Variants in UNC79 observed in about 807,000 individuals in gnomAD.
The protein encoded by UNC79 is unc-79 subunit of NALCN channel complex.
In UNC79, 37 loss-of-function variants were observed where a neutral mutation model predicts 283.1. That is an observed-to-expected ratio of 0.13 (90% CI 0.10 to 0.17). The LOEUF (loss-of-function observed/expected upper bound fraction) is 0.17, where lower values mean the gene tolerates loss of function less well. Ranked by LOEUF, UNC79 falls within the 10% of genes least tolerant of loss-of-function variation. The pLI, the probability that UNC79 is intolerant of heterozygous loss-of-function variation, is 1.00. For missense variants in UNC79, 2,272 were observed against 3,211.1 expected (o/e 0.71, Z 7.07); for synonymous variants, 1,107 against 1,200.2 (o/e 0.92, Z 1.61).
chr14:93,413,982 C>G lies in UNC79; in HGVS notation c.-350-53689C>G, dbSNP rs1345169709. 8.0e-5 allele frequency among the ~76,000 whole-genome samples: 12 copies of G among 150,396 alleles called. No homozygotes were observed. The East Asian group carries it at 9.7e-4, about 12-fold the overall frequency. On this transcript the variant is annotated intron_variant, in intron 1 of 49. Transcript: ENST00000256339. The stretch of plus-strand genomic sequence containing the variant: ...TTTTCTCCCATTTTGTAGGTTGCCT[C>G]TTCACTCTGATGGTAGTTTCTTTTG...
At chr14:93,349,458 G>A (rs555772478) in intron 1 of UNC79, among the ~76,000 whole-genome samples, 1 of 152,168 alleles carries the variant, frequency 6.6e-6, no homozygotes, top group East Asian at 1.9e-4. Context: ...AGTACTATGG[G>A]GTTACAATCT....
chr14:93,546,006 G>C (rs2061581399), intron 14 of UNC79, among the ~76,000 whole-genome samples: 1 of 152,114 alleles, frequency 6.6e-6, no homozygotes, highest in Non-Finnish European at 1.5e-5. Context: ...GTTGATTATG[G>C]GTGCGGACAC....
chr14:93,594,999 G>A (rs1481752421), intron 23 of UNC79, among the ~76,000 whole-genome samples: 1 of 151,828 alleles, frequency 6.6e-6, no homozygotes, highest in Non-Finnish European at 1.5e-5. Flanking sequence ...ATATATATAT[G>A]ACAGCACATC....
At chr14:93,366,978 A>G (rs895671194) in intron 1 of UNC79, among the ~76,000 whole-genome samples, 7 of 152,234 alleles carry the variant, frequency 4.6e-5, no homozygotes, top group African/African-American at 1.4e-4. Context: ...TAGAAAAAGC[A>G]GTTGATTCCC....
chr14:93,428,559 A>G (rs1293926444), upstream of UNC79, among the ~76,000 whole-genome samples: 2 of 152,162 alleles, frequency 1.3e-5, no homozygotes, highest in East Asian at 3.9e-4. Flanking sequence ...GTTAATGGGC[A>G]TGTCAGAAGG....
chr14:93,482,363 A>T (rs372477839), intron 4 of UNC79, among the ~76,000 whole-genome samples: 2 of 152,164 alleles, frequency 1.3e-5, no homozygotes, highest in African/African-American at 4.8e-5. Flanking sequence ...ACTTTTCATT[A>T]ATCTATAATT....
intron 40 of UNC79, among the ~76,000 whole-genome samples, chr14:93,669,246 GAAA>G (rs888610687): frequency 4.6e-5 from 7 of 151,916 alleles, no homozygotes; most frequent in African/African-American, 1.7e-4. Flanking sequence ...AAAGTAAAAA[GAAA>G]AAAAGTGAAC....
Position 93,653,924 on chromosome 14 carries a change from A to G in UNC79, c.6197-16A>G. 1.2e-6 allele frequency: 2 copies of G among 1,614,068 alleles called. No individual in the cohort carries two copies. The highest frequency in any genetic ancestry group is 1.1e-5 in the South Asian group (1 of 91,080). ...CCCAGACACCCAAACACTAAATCCG[A>G]TCGTTGACTTTCCAGATGGGACTTT... On this transcript the variant is annotated splice_polypyrimidine_tract_variant and intron_variant, in intron 36 of 48. Coordinates refer to ENST00000555664, the Ensembl canonical transcript of UNC79.
intron 41 of UNC79, among the ~76,000 whole-genome samples, chr14:93,679,352 G>A (rs1453967279): frequency 2.6e-5 from 4 of 152,102 alleles, no homozygotes; most frequent in Admixed American, 6.5e-5. Flanking sequence ...CCAGCTACTC[G>A]GGAGGCTGAG....
exon 41 of UNC79, chr14:93,673,390 G>C (rs755013161): frequency 3.1e-6 from 5 of 1,613,260 alleles, no homozygotes; most frequent in Non-Finnish European, 2.5e-6. Flanking sequence ...TGTTGTTCTA[G>C]AACTTCTGCA....
intron 23 of UNC79, 63 bp from the exon 24 acceptor site, chr14:93,597,296 T>C: frequency 6.5e-7 from 1 of 1,531,208 alleles, no homozygotes. Flanking sequence ...TAAATAAATG[T>C]GTATGCGTGT....
At chr14:93,554,621 T>TGTTA (rs1159168560) in intron 14 of UNC79, among the ~76,000 whole-genome samples, 1 of 152,156 alleles carries the variant, frequency 6.6e-6, no homozygotes, top group Non-Finnish European at 1.5e-5. Context: ...TCTGGCCCTG[T>TGTTA]GTTAGCAAGC....
At position 93,496,229 on chromosome 14, in the gene UNC79, C is replaced by T. The variant is rs117658235; in HGVS notation, c.713-182C>T. On this transcript the variant is annotated intron_variant, in intron 5 of 48. Transcript: ENST00000555664. Reference sequence around the variant, plus strand: ...ACTTCTCAAGGACCTTGGGACAAAGCTTGATAAAGTCAAGGGCTTATGTGA... The same window carrying T: ...ACTTCTCAAGGACCTTGGGACAAAGTTTGATAAAGTCAAGGGCTTATGTGA... 3.4e-3 allele frequency among the ~76,000 whole-genome samples: 512 copies of T among 152,084 alleles called. 9 individuals carry two copies. In the South Asian group the frequency reaches 0.05, roughly 15 times the overall value.
intron 14 of UNC79, among the ~76,000 whole-genome samples, chr14:93,567,247 C>T (rs367761554): frequency 5.9e-5 from 9 of 152,032 alleles, no homozygotes; most frequent in Admixed American, 2.6e-4. Context: ...TTTTTTGAGA[C>T]GGAATTTCAT....
intron 22 of UNC79, among the ~76,000 whole-genome samples, chr14:93,593,200 A>G (rs919268721): frequency 1.3e-5 from 2 of 152,136 alleles, no homozygotes; most frequent in East Asian, 3.9e-4. Context: ...CTTATGATAG[A>G]GAAGGTTGGG....
Position 93,357,828 on chromosome 14 carries a change from T to C in UNC79, c.-351+24305T>C, listed in dbSNP as rs1465352579. 1.4e-4 allele frequency among the ~76,000 whole-genome samples: 13 copies of C among 90,496 alleles called. 1 individual carries two copies. The highest frequency in any genetic ancestry group is 4.7e-4 in the African/African-American group (13 of 27,786). 59.4% of individuals were successfully genotyped at this position (90,496 alleles called of 152,430 possible). ...ATATGGATATATATATATGGATATA[T>C]GGATATGTATATATATGGATATATG... On this transcript the variant is annotated intron_variant, in intron 1 of 49. Coordinates refer to the UNC79 transcript ENST00000256339.
intron 14 of UNC79, among the ~76,000 whole-genome samples, chr14:93,553,383 T>G (rs1239029410): frequency 6.6e-6 from 1 of 152,212 alleles, no homozygotes; most frequent in Admixed American, 6.5e-5. Flanking sequence ...CTGCTTGATA[T>G]TTATGGACAC....
chr14:93,386,980 T>C (rs2054791300), intron 1 of UNC79, among the ~76,000 whole-genome samples: 1 of 123,028 alleles, frequency 8.1e-6, no homozygotes, highest in Non-Finnish European at 1.6e-5. Flanking sequence ...TTTGCTCTTC[T>C]TGCCCAGGCT....
intron 1 of UNC79, among the ~76,000 whole-genome samples, chr14:93,348,573 A>G (rs535896559): frequency 2.0e-5 from 3 of 152,258 alleles, no homozygotes; most frequent in Admixed American, 6.5e-5. Flanking sequence ...CTGCCATGCC[A>G]CACTTCACAA....
Sources: allele counts gnomAD v4.1 joint callset (sites outside exome capture counted in the v4.1 genomes callset), GRCh38; gene constraint gnomAD v4.1.1; transcripts MANE v1.5; gene names NCBI Gene and HGNC (gene_info 2026-07-23, HGNC 2026-07-21).